FCRL4: variants seen among roughly 807,000 people sequenced by gnomAD.
FCRL4 encodes Fc receptor-like protein 4.
FCRL4 carries 43 observed loss-of-function variants against 64.1 expected under a neutral mutation model. The ratio of observed to expected loss-of-function variants is 0.67; its 90% CI spans 0.53 to 0.87. The LOEUF (loss-of-function observed/expected upper bound fraction) is 0.87, where lower values mean the gene tolerates loss of function less well. Ranked by LOEUF, FCRL4 falls within the 40% of genes least tolerant of loss-of-function variation. FCRL4 has a pLI of 0.00. For missense variants in FCRL4, 656 were observed against 613.5 expected, an observed-to-expected ratio of 1.07 and a Z score of -0.73; for synonymous variants, 253 against 239.8, an observed-to-expected ratio of 1.05 and a Z score of -0.51.
Position 157,575,268 on chromosome 1 carries a change from G to T in FCRL4, c.*256C>A. On this transcript the variant is annotated 3_prime_UTR_variant, in exon 12 of 12. Transcript: ENST00000271532. ...AGACCCTAGGGAATACATTAGGTCA[G>T]GCCCACAGCAAATACTACAGGGTCT... The T allele has an allele frequency of 1.9e-6, 1 of 516,124 alleles. No homozygotes were observed. The highest frequency in any genetic ancestry group is 3.3e-5 in the East Asian group (1 of 30,258). 32.0% of individuals were successfully genotyped at this position (516,124 alleles called of 1,614,324 possible). A position where few individuals can be genotyped will look rare whatever the true frequency, so the allele number is the denominator to read the frequency against.
chr1:157,592,380 A>T (rs1415360085), intron 2 of FCRL4, among the ~76,000 whole-genome samples: 1 of 152,164 alleles, frequency 6.6e-6, no homozygotes, highest in African/African-American at 2.4e-5. Context: ...ATCTACAAAG[A>T]ACTTAAATTT....
In FCRL4 at chr1:157,580,353, A is replaced by G; in HGVS notation, c.1250-5T>C. 1.2e-6 allele frequency: 2 copies of G among 1,614,174 alleles called. No individual in the cohort carries two copies. The highest frequency in any genetic ancestry group is 1.7e-6 in the Non-Finnish European group (2 of 1,179,998). ...CGTCTCCCAAGAAACCAACTCCTGC[A>G]AAATAAAGCAAAGACGCATTTTTGT... On this transcript the variant is annotated splice_region_variant and splice_polypyrimidine_tract_variant and intron_variant, in intron 7 of 11. Coordinates refer to ENST00000271532, the MANE Select transcript of FCRL4 (RefSeq NM_031282.3).
Position 157,587,469 on chromosome 1 carries a change from T to C in FCRL4, c.654A>G (p.Pro218=). The C allele has an allele frequency of 6.2e-7, 1 of 1,614,222 alleles. No homozygotes were observed. The highest frequency in any genetic ancestry group is 8.5e-7 in the Non-Finnish European group (1 of 1,180,020). Residue 218 remains proline, a synonymous_variant, in exon 5 of 12, where the codon CCA becomes CCG. Transcript: ENST00000271532. ...VNLSCETQLP[P]ERSDTPLHFN... is the part of the protein sequence containing the mutation. ...AGTGAAGTGGGGTGTCTGACCGCTCTGGAGGAAGCTGTGTTTCACAGCTCA... is the reference window on the plus strand; with the variant it reads ...AGTGAAGTGGGGTGTCTGACCGCTCCGGAGGAAGCTGTGTTTCACAGCTCA...
At position 157,586,235 on chromosome 1, in the gene FCRL4, T is replaced by TC. The variant is rs762750961; in HGVS notation, c.1067dup (p.Tyr357IlefsTer97). On this transcript the variant is annotated frameshift_variant, in exon 6 of 12. Transcript: ENST00000271532. LOFTEE classifies it high-confidence loss of function. ...AGCTGTTGTCTGCTGTACAGTAGTA[T>TC]CCCCCTGCATGGCTCTGTCTGATGG... 11 of 1,613,956 alleles carry TC rather than the reference T, an allele frequency of 6.8e-6. 1 individual carries two copies. The East Asian group carries it at 2.2e-4, about 33-fold the overall frequency.
At chr1:157,596,827 C>T (rs921539384) in intron 1 of FCRL4, among the ~76,000 whole-genome samples, 2 of 152,106 alleles carry the variant, frequency 1.3e-5, no homozygotes, top group African/African-American at 2.4e-5. Context: ...ATTATGGGTT[C>T]GAATCCTGAC....
intron 2 of FCRL4, among the ~76,000 whole-genome samples, chr1:157,592,379 G>T (rs1461626082): frequency 6.6e-6 from 1 of 151,598 alleles, no homozygotes; most frequent in Non-Finnish European, 1.5e-5. Flanking sequence ...AATCTACAAA[G>T]AACTTAAATT....
chr1:157,592,405 C>A (rs1047568758), intron 2 of FCRL4, among the ~76,000 whole-genome samples: 17 of 151,658 alleles, frequency 1.1e-4, no homozygotes, highest in South Asian at 4.2e-4. Flanking sequence ...GAAAAAAAAA[C>A]CCATCAAAAA....
At chr1:157,597,401 G>A (rs1055605569) in intron 1 of FCRL4, among the ~76,000 whole-genome samples, 6 of 152,156 alleles carry the variant, frequency 3.9e-5, no homozygotes, top group African/African-American at 1.2e-4. Flanking sequence ...ACTGACAAGT[G>A]GTACAAAAGC....
At chr1:157,577,123 T>C (rs1248563268) in intron 10 of FCRL4, among the ~76,000 whole-genome samples, 1 of 152,174 alleles carries the variant, frequency 6.6e-6, no homozygotes, top group Admixed American at 6.5e-5. Flanking sequence ...GTTGAAGCGA[T>C]GTCTTTAGAA....
At chr1:157,596,821 T>C (rs1038646528) in intron 1 of FCRL4, among the ~76,000 whole-genome samples, 2 of 152,184 alleles carry the variant, frequency 1.3e-5, no homozygotes, top group African/African-American at 4.8e-5. Flanking sequence ...AGTTAGATTA[T>C]GGGTTCGAAT....
chr1:157,585,171 AG>A (rs1652644568), intron 6 of FCRL4, among the ~76,000 whole-genome samples: 1 of 152,164 alleles, frequency 6.6e-6, no homozygotes, highest in South Asian at 2.1e-4. Flanking sequence ...TGTATAGAAA[AG>A]CAGGGAAATC....
chr1:157,584,823 T>C (rs1327424419), intron 6 of FCRL4, among the ~76,000 whole-genome samples: 7 of 152,202 alleles, frequency 4.6e-5, no homozygotes, highest in Non-Finnish European at 2.9e-5. Context: ...GAGCTGACTT[T>C]GTATAAACAG....
Position 157,587,492 on chromosome 1 carries a change from T to C in FCRL4, c.631A>G (p.Ser211Gly), listed in dbSNP as rs1295599884. 6.2e-7 allele frequency: 1 copy of C among 1,614,224 alleles called. No individual in the cohort carries two copies. Among genetic ancestry groups the C allele is most frequent in the Non-Finnish European group, 8.5e-7 (1 of 1,180,008 alleles). Residue 211 changes from serine (S) to glycine (G), a missense_variant, in exon 5 of 12, where the codon AGC (serine) becomes GGC (glycine). Ser to Gly is a moderately conservative substitution (Grantham distance 56). Transcript: ENST00000271532. ...TCTGGAGGAAGCTGTGTTTCACAGC[T>C]CAGGTTTACAGAATTCCCCTCTGTA... The part of the protein sequence containing the change: ...QPTEGNSVNL[S>G]CETQLPPERS...
intron 6 of FCRL4, among the ~76,000 whole-genome samples, chr1:157,585,132 G>C (rs191545021): frequency 9.2e-5 from 14 of 152,196 alleles, no homozygotes; most frequent in African/African-American, 3.4e-4. Context: ...AAATCAGGGA[G>C]GTAAGGAGAG....
chr1:157,579,066 C>A, intron 8 of FCRL4, among the ~76,000 whole-genome samples: 1 of 152,182 alleles, frequency 6.6e-6, no homozygotes, highest in Non-Finnish European at 1.5e-5. Context: ...GTGGTATGGA[C>A]AGGCTGCCTG....
chr1:157,579,879 GTTAAGCACATAAC>G (rs1221118221), intron 8 of FCRL4, among the ~76,000 whole-genome samples: 2 of 152,230 alleles, frequency 1.3e-5, no homozygotes, highest in Non-Finnish European at 2.9e-5. Context: ...CCAAATGGAA[GTTAAGCACATAAC>G]GTTTAATGAG....
intron 2 of FCRL4, among the ~76,000 whole-genome samples, chr1:157,591,541 T>C (rs1652839720): frequency 6.6e-6 from 1 of 152,118 alleles, no homozygotes; most frequent in Non-Finnish European, 1.5e-5. Flanking sequence ...TAAATATATA[T>C]GGGAGAGGTA....
rs749363901 is a variant in FCRL4, at chr1:157,575,689, T to G, written c.1461+10A>C. On this transcript the variant is annotated intron_variant, in intron 11 of 11. Coordinates refer to ENST00000271532, the MANE Select transcript of FCRL4 (RefSeq NM_031282.3). ...TGGTGGAGATAAAACTGTGGGGAAA[T>G]GAAACTCACCTTATCCTCTAGAAGT... 3 of 1,613,648 alleles carry G rather than the reference T, an allele frequency of 1.9e-6. No individual in the cohort carries two copies. Among genetic ancestry groups the G allele is most frequent in the Non-Finnish European group, 2.5e-6 (3 of 1,179,702 alleles).
chr1:157,588,266 G>T (rs1395406173), intron 3 of FCRL4, 147 bp from the exon 4 acceptor site: 4 of 847,878 alleles, frequency 4.7e-6, no homozygotes, highest in Non-Finnish European at 7.0e-6. Flanking sequence ...TCCTAAATCA[G>T]TGTAACATGC....
Sources: allele counts gnomAD v4.1 joint callset (sites outside exome capture counted in the v4.1 genomes callset), GRCh38; gene constraint gnomAD v4.1.1; transcripts MANE v1.5; gene names NCBI Gene and HGNC (gene_info 2026-07-23, HGNC 2026-07-21).